Variants in CERKL observed in about 807,000 individuals in gnomAD.
The protein encoded by CERKL is CERK like autophagy regulator, also known as ceramide kinase-like protein.
Under a neutral mutation model 63.4 loss-of-function variants are expected in CERKL, and 61 were observed. The observed-to-expected ratio is 0.96, with a 90% CI of 0.78 to 1.19. The LOEUF (loss-of-function observed/expected upper bound fraction) is 1.19. Among genes scored for constraint, CERKL ranks in the 50% most tolerant of loss-of-function variants. The probability of loss-of-function intolerance (pLI) is 0.00; values close to 1 mark genes in which losing one functional copy is unlikely to be tolerated. For missense variants in CERKL, 675 were observed against 655.5 expected (o/e 1.03, Z -0.33); for synonymous variants, 250 against 230.5 (o/e 1.08, Z -0.77).
At chr2:181,642,268 A>T (rs1687474237) in intron 1 of CERKL, among the ~76,000 whole-genome samples, 1 of 152,210 alleles carries the variant, frequency 6.6e-6, no homozygotes, top group African/African-American at 2.4e-5. Context: ...TTCTGACCAC[A>T]CAGTCTACCA....
At chr2:181,538,581 G>A (rs918208603) in intron 12 of CERKL, among the ~76,000 whole-genome samples, 1 of 152,122 alleles carries the variant, frequency 6.6e-6, no homozygotes, top group Non-Finnish European at 1.5e-5. Flanking sequence ...GAATGCGTTT[G>A]CAGGTTCCTA....
intron 1 of CERKL, chr2:181,617,426 A>G (rs922774618): frequency 6.6e-6 from 1 of 152,196 alleles, no homozygotes; most frequent in Non-Finnish European, 1.5e-5. Flanking sequence ...CACTTTCTGG[A>G]AAATGAACAA....
At chr2:181,626,314 T>C (rs1686701482) in intron 1 of CERKL, among the ~76,000 whole-genome samples, 1 of 151,616 alleles carries the variant, frequency 6.6e-6, no homozygotes, top group South Asian at 2.1e-4. Context: ...AAGTGAATAA[T>C]GATATTTGCT....
intron 1 of CERKL, among the ~76,000 whole-genome samples, chr2:181,654,229 C>T (rs1006309851): frequency 1.3e-5 from 2 of 151,586 alleles, no homozygotes; most frequent in East Asian, 1.9e-4. Context: ...AGCCTCTTTT[C>T]GAAAGCCTCA....
rs565236688 is a variant in CERKL at position 181,626,779 on chromosome 2, A to T, written c.239-22700T>A. 2.0e-5 allele frequency among the ~76,000 whole-genome samples: 3 copies of T among 152,342 alleles called. No individual in the cohort carries two copies. In the South Asian group the frequency reaches 6.2e-4, roughly 32 times the overall value. On this transcript the variant is annotated intron_variant, in intron 1 of 12. Transcript: ENST00000410087. The stretch of plus-strand genomic sequence containing the variant: ...AGGATAAAAGATGCAGGGATGAGTC[A>T]CTGGCCTTACTACCAGAGAGGTCAT...
chr2:181,548,803 C>T lies in CERKL; in HGVS notation c.950G>A (p.Arg317His), dbSNP rs150587104. 43 of 1,614,016 alleles carry T rather than the reference C, an allele frequency of 2.7e-5. 1 individual carries two copies. Among genetic ancestry groups the T allele is most frequent in the South Asian group, 2.5e-4 (23 of 91,080 alleles). Residue 317 changes from arginine to histidine, a missense_variant, in exon 7 of 13, where the codon CGC (arginine) becomes CAC (histidine). By Grantham distance (29) the Arg-to-His change is conservative. Coordinates refer to ENST00000410087, the MANE Select transcript of CERKL (RefSeq NM_201548.5). ...GCCAAACATGGCTGAGAACCCAAAG[C>T]GAAGAAGCTTGCCAGCGGTGCTGAA... ...CTFSTAGKLL[R>H]FGFSAMFGFG...
chr2:181,539,646 A>C (rs72883655), intron 11 of CERKL, among the ~76,000 whole-genome samples: 21,363 of 152,194 alleles, frequency 0.14, 1,672 homozygotes, highest in East Asian at 0.22. Flanking sequence ...AAACTAGTAC[A>C]AGTTTCACAC....
chr2:181,624,613 T>C (rs550206218), intron 1 of CERKL, among the ~76,000 whole-genome samples: 1 of 152,238 alleles, frequency 6.6e-6, no homozygotes, highest in East Asian at 1.9e-4. Context: ...AGATGAGAAA[T>C]ACAATACTCC....
At position 181,537,086 on chromosome 2, in the gene CERKL, T is replaced by TAA; in HGVS notation, c.*1097_*1098insTT. On this transcript the variant is annotated 3_prime_UTR_variant, in exon 13 of 13. Coordinates refer to ENST00000410087, the MANE Select transcript of CERKL (RefSeq NM_201548.5). ...CAAAACCTCCTGAACCCAGAGTGTG[T>TAA]ATACACAGGAATAAACTTTATGACA... 1 of 451,500 alleles carries TAA rather than the reference T, an allele frequency of 2.2e-6. No homozygotes were observed. Among genetic ancestry groups the TAA allele is most frequent in the South Asian group, 1.6e-5 (1 of 64,118 alleles). 28.0% of individuals were successfully genotyped at this position (451,500 alleles called of 1,614,324 possible).
In CERKL at chr2:181,538,123, T is replaced by C. The variant is rs780346141; in HGVS notation, c.*61A>G. On this transcript the variant is annotated 3_prime_UTR_variant, in exon 13 of 13. Coordinates refer to ENST00000410087, the MANE Select transcript of CERKL (RefSeq NM_201548.5). ...GGGTGGGGACCACAGGTTTAAAGCATGGCCACATTTCTTTATATTAAAATT... is the reference window on the plus strand; with the variant it reads ...GGGTGGGGACCACAGGTTTAAAGCACGGCCACATTTCTTTATATTAAAATT... The C allele has an allele frequency of 4.3e-6, 5 of 1,174,374 alleles. No homozygotes were observed. The South Asian group carries it at 6.2e-5, about 15-fold the overall frequency. 72.7% of individuals were successfully genotyped at this position (1,174,374 alleles called of 1,614,324 possible). A position where few individuals can be genotyped will look rare whatever the true frequency, so the allele number is the denominator to read the frequency against.
intron 1 of CERKL, among the ~76,000 whole-genome samples, chr2:181,650,700 G>A (rs1345919662): frequency 2.0e-5 from 3 of 151,620 alleles, no homozygotes; most frequent in Non-Finnish European, 2.9e-5. Context: ...CAGAGGTTGC[G>A]GTGAGCCGAG....
intron 2 of CERKL, among the ~76,000 whole-genome samples, chr2:181,602,660 T>G (rs1685507493): frequency 6.6e-6 from 1 of 152,366 alleles, no homozygotes; most frequent in African/African-American, 2.4e-5. Flanking sequence ...CTTTATTGGC[T>G]GGCTGCCTTT....
chr2:181,636,329 A>T (rs1280123046), intron 1 of CERKL, among the ~76,000 whole-genome samples: 3 of 152,098 alleles, frequency 2.0e-5, no homozygotes. Context: ...TTTGTCTTTG[A>T]CAATATCCCT....
At chr2:181,586,242 C>A (rs1684758733) in intron 2 of CERKL, among the ~76,000 whole-genome samples, 1 of 152,012 alleles carries the variant, frequency 6.6e-6, no homozygotes, top group Admixed American at 6.6e-5. Context: ...AAACAATTAA[C>A]ATTTTTAGGT....
In CERKL at chr2:181,656,945, G is replaced by A; in HGVS notation, c.62C>T (p.Ala21Val). 1 of 1,587,014 alleles carries A rather than the reference G, an allele frequency of 6.3e-7. No homozygotes were observed. Among genetic ancestry groups the A allele is most frequent in the African/African-American group, 1.3e-5 (1 of 74,222 alleles). Residue 21 changes from alanine to valine, a missense_variant, in exon 1 of 13, where the codon GCG (alanine) becomes GTG (valine). Ala to Val is a moderately conservative substitution (Grantham distance 64). Coordinates refer to ENST00000410087, the MANE Select transcript of CERKL (RefSeq NM_201548.5). The stretch of plus-strand genomic sequence containing the variant: ...AGGCACAGCGGCAGCCTCCGGGGGC[G>A]CCTCTTCCTCCCGGCCGCCCTCCAG... ...SALEGGREEEAPPEAAAVPPA... is the reference protein window; with the variant it reads ...SALEGGREEEVPPEAAAVPPA...
chr2:181,618,165 G>A (rs982796149), intron 1 of CERKL, among the ~76,000 whole-genome samples: 3 of 152,140 alleles, frequency 2.0e-5, no homozygotes, highest in South Asian at 2.1e-4. Flanking sequence ...TGGGTGCAAC[G>A]TATGTTATTT....
chr2:181,626,175 A>C (rs1245392170), intron 1 of CERKL, among the ~76,000 whole-genome samples: 1 of 152,204 alleles, frequency 6.6e-6, no homozygotes, highest in Non-Finnish European at 1.5e-5. Flanking sequence ...CACTATTATA[A>C]TACTTCATTT....
Position 181,537,078 on chromosome 2 carries a change from A to G in CERKL, c.*1106T>C. ...TGTAAGCACAAAACCTCCTGAACCC[A>G]GAGTGTGTATACACAGGAATAAACT... On this transcript the variant is annotated 3_prime_UTR_variant, in exon 13 of 13. Coordinates refer to ENST00000410087, the MANE Select transcript of CERKL (RefSeq NM_201548.5). 2.2e-6 allele frequency: 1 copy of G among 447,542 alleles called. No individual in the cohort carries two copies. Among genetic ancestry groups the G allele is most frequent in the African/African-American group, 2.0e-5 (1 of 49,728 alleles). 27.7% of individuals were successfully genotyped at this position (447,542 alleles called of 1,614,324 possible). A position where few individuals can be genotyped will look rare whatever the true frequency, so the allele number is the denominator to read the frequency against.
intron 1 of CERKL, among the ~76,000 whole-genome samples, chr2:181,641,302 CATATATATATATATATATATATAT>C (rs1174454591): frequency 3.1e-5 from 3 of 97,116 alleles, no homozygotes; most frequent in Admixed American, 2.5e-4. Flanking sequence ...TATGTGTATG[CATATATATATATATATATATATAT>C]ATATATATAT....
Sources: gnomAD v4.1 joint callset for allele counts (sites outside exome capture counted in the v4.1 genomes callset) on GRCh38, gnomAD v4.1.1 for gene constraint, MANE v1.5 for transcripts, NCBI Gene and HGNC (gene_info 2026-07-23, HGNC 2026-07-21) for gene names.